LARGE1: variants seen among roughly 807,000 people sequenced by gnomAD.
LARGE1 encodes the protein xylosyl- and glucuronyltransferase LARGE1.
LARGE1 carries 43 observed loss-of-function variants against 87.6 expected under a neutral mutation model. That is an observed-to-expected ratio of 0.49 (90% CI 0.38 to 0.63). The LOEUF is 0.63. LARGE1 is among the 30% of genes least tolerant of loss of function. The probability of loss-of-function intolerance (pLI) is 0.00; values close to 1 mark genes in which losing one functional copy is unlikely to be tolerated. For synonymous variants in LARGE1, 434 were observed against 394.6 expected (o/e 1.10, Z -1.18); for missense variants, 802 against 1,000.2 (o/e 0.80, Z 2.67).
intron 1 of LARGE1, among the ~76,000 whole-genome samples, chr22:33,802,152 T>C (rs1044078220): frequency 6.6e-6 from 1 of 152,028 alleles, no homozygotes; most frequent in African/African-American, 2.4e-5. Flanking sequence ...AAATAAAAGG[T>C]AAATCAGAAA....
chr22:33,519,460 C>G (rs1388000399), intron 6 of LARGE1, among the ~76,000 whole-genome samples: 1 of 152,114 alleles, frequency 6.6e-6, no homozygotes, highest in Non-Finnish European at 1.5e-5. Flanking sequence ...GCACTGTTAC[C>G]TCTAAAACGC....
chr22:33,365,653 T>C (rs371735645), intron 9 of LARGE1, among the ~76,000 whole-genome samples: 88 of 151,768 alleles, frequency 5.8e-4, no homozygotes, highest in Non-Finnish European at 1.1e-3. Context: ...CTTGCTCTGT[T>C]GCCTAGGCTG....
chr22:33,097,478 T>A, the LARGE1 span, among the ~76,000 whole-genome samples: 1 of 152,204 alleles, frequency 6.6e-6, no homozygotes, highest in Non-Finnish European at 1.5e-5. Flanking sequence ...ACCATGCAGA[T>A]TAAAGTATTA....
chr22:33,186,128 A>C (rs1034942714), intron 11 of LARGE1, among the ~76,000 whole-genome samples: 1 of 152,170 alleles, frequency 6.6e-6, no homozygotes, highest in African/African-American at 2.4e-5. Context: ...ATCGCACACA[A>C]ATCCAGAAAA....
At chr22:33,618,771 GA>G (rs1338386997) in intron 4 of LARGE1, among the ~76,000 whole-genome samples, 1 of 152,206 alleles carries the variant, frequency 6.6e-6, no homozygotes, top group African/African-American at 2.4e-5. Flanking sequence ...CTTCAAGCCA[GA>G]AACAGTCCTG....
chr22:33,515,424 T>C (rs2071258984), intron 6 of LARGE1, among the ~76,000 whole-genome samples: 3 of 152,204 alleles, frequency 2.0e-5, no homozygotes, highest in Admixed American at 2.0e-4. Context: ...GAGGGTCTGC[T>C]TGCTGTTTGT....
intron 6 of LARGE1, among the ~76,000 whole-genome samples, chr22:33,528,471 C>G (rs545471919): frequency 6.6e-6 from 1 of 152,108 alleles, no homozygotes; most frequent in Admixed American, 6.5e-5. Flanking sequence ...CTTCATGTGT[C>G]TCATGAACAA....
At chr22:33,460,056 G>A (rs542058778) in intron 6 of LARGE1, among the ~76,000 whole-genome samples, 91 of 152,298 alleles carry the variant, frequency 6.0e-4, no homozygotes, top group Middle Eastern at 6.8e-3. Flanking sequence ...CATCCCCCTG[G>A]GGTCTTCAAA....
At chr22:33,788,444 A>T (rs2085720933) in intron 1 of LARGE1, among the ~76,000 whole-genome samples, 1 of 152,366 alleles carries the variant, frequency 6.6e-6, no homozygotes, top group Non-Finnish European at 1.5e-5. Flanking sequence ...TGCAATAAAG[A>T]TACCCAAAAA....
chr22:33,331,410 CT>C (rs35310608), intron 10 of LARGE1, among the ~76,000 whole-genome samples: 46,649 of 135,124 alleles, frequency 0.35, 7,452 homozygotes, highest in African/African-American at 0.44. Flanking sequence ...CTCTTCTTAT[CT>C]TTTTTTTTTT....
intron 6 of LARGE1, among the ~76,000 whole-genome samples, chr22:33,531,540 A>C (rs1451433583): frequency 6.6e-6 from 1 of 152,240 alleles, no homozygotes; most frequent in Non-Finnish European, 1.5e-5. Flanking sequence ...CCTTTTGAGA[A>C]GCCTAATGCA....
At chr22:33,898,162 TA>T in intron 1 of LARGE1, among the ~76,000 whole-genome samples, 1 of 152,168 alleles carries the variant, frequency 6.6e-6, no homozygotes, top group Non-Finnish European at 1.5e-5. Flanking sequence ...GAGCCAGGCT[TA>T]AAAGAGCTCC....
the LARGE1 span, among the ~76,000 whole-genome samples, chr22:33,068,894 C>A: frequency 5.9e-5 from 9 of 152,178 alleles, no homozygotes; most frequent in Admixed American, 4.6e-4. Context: ...AAGGGGCTCT[C>A]TGGGTGGACT....
chr22:33,867,764 T>C (rs530887015), intron 1 of LARGE1, among the ~76,000 whole-genome samples: 4 of 152,258 alleles, frequency 2.6e-5, no homozygotes, highest in African/African-American at 9.6e-5. Flanking sequence ...TAAGTAAAAA[T>C]AGTGCATGCT....
At chr22:33,188,597 A>G (rs1923611708) in intron 11 of LARGE1, among the ~76,000 whole-genome samples, 1 of 152,216 alleles carries the variant, frequency 6.6e-6, no homozygotes, top group Admixed American at 6.5e-5. Flanking sequence ...GGCACCTTCA[A>G]TGGCTGAACA....
chr22:33,696,226 A>G (rs1033855445), intron 2 of LARGE1, among the ~76,000 whole-genome samples: 3 of 150,360 alleles, frequency 2.0e-5, no homozygotes, highest in Non-Finnish European at 4.4e-5. Context: ...GTAGATATCT[A>G]TTCAGTATTT....
At chr22:33,229,977 G>T (rs149511288) in intron 11 of LARGE1, among the ~76,000 whole-genome samples, 41 of 146,816 alleles carry the variant, frequency 2.8e-4, no homozygotes, top group Admixed American at 2.7e-4. Flanking sequence ...GAACTATGGA[G>T]TGACATTTTC....
At chr22:33,772,158 C>T (rs2085090329) in intron 1 of LARGE1, among the ~76,000 whole-genome samples, 1 of 152,114 alleles carries the variant, frequency 6.6e-6, no homozygotes. Context: ...ACAGTGAAAC[C>T]CCGTCTCTAC....
At chr22:33,431,715 T>A (rs940266499) in intron 7 of LARGE1, among the ~76,000 whole-genome samples, 1 of 152,162 alleles carries the variant, frequency 6.6e-6, no homozygotes, top group African/African-American at 2.4e-5. Context: ...GAAGTATGCA[T>A]GGAGATGAAT....
Sources: allele counts gnomAD v4.1 joint callset (sites outside exome capture counted in the v4.1 genomes callset), GRCh38; gene constraint gnomAD v4.1.1; transcripts MANE v1.5; gene names NCBI Gene and HGNC (gene_info 2026-07-23, HGNC 2026-07-21).